The following RUSC2 variants were observed in gnomAD, a reference collection of about 807,000 sequenced individuals.
RUSC2 encodes the protein RUN and SH3 domain containing 2.
A neutral mutation model predicts 122.2 loss-of-function variants in RUSC2; 34 were observed. The observed-to-expected ratio is 0.28, with a 90% CI of 0.21 to 0.37. RUSC2 has a LOEUF of 0.37. Ranked by LOEUF, RUSC2 falls within the 10% of genes least tolerant of loss-of-function variation. The pLI, the probability that RUSC2 is intolerant of heterozygous loss-of-function variation, is 1.00. For missense variants in RUSC2, 1,747 were observed against 1,952.4 expected, an observed-to-expected ratio of 0.89 and a Z score of 1.98; for synonymous variants, 784 against 790.0, an observed-to-expected ratio of 0.99 and a Z score of 0.13.
intron 1 of RUSC2, among the ~76,000 whole-genome samples, chr9:35,537,395 A>T (rs1020997851): frequency 3.9e-5 from 6 of 152,192 alleles, no homozygotes; most frequent in African/African-American, 7.2e-5. Context: ...GCATAGTGAC[A>T]CCATTTCCTC....
At position 35,557,951 on chromosome 9, in the gene RUSC2, T is replaced by C. The variant is rs1051025047; in HGVS notation, c.3021T>C (p.Ile1007=). ...VKAVNIAVDL[I]VAHFGTSRDP... is the part of the protein sequence containing the mutation. The stretch of plus-strand genomic sequence containing the variant: ...CTGTTAACATCGCTGTGGACCTCAT[T>C]GTGGCTCATTTTGGCACAAGCCGGG... Residue 1007 remains isoleucine, a synonymous_variant, in exon 6 of 12, where the codon ATT becomes ATC. Coordinates refer to ENST00000361226, the MANE Select transcript of RUSC2 (RefSeq NM_014806.5). This position sits in a 1 kb window ranked among gnomAD's most constrained non-coding sequence, Gnocchi z 4.6. 1.2e-6 allele frequency: 2 copies of C among 1,614,186 alleles called. No individual in the cohort carries two copies. Among genetic ancestry groups the C allele is most frequent in the Admixed American group, 3.3e-5 (2 of 60,028 alleles).
intron 1 of RUSC2, among the ~76,000 whole-genome samples, chr9:35,508,687 C>G (rs919275624): frequency 6.6e-6 from 1 of 152,194 alleles, no homozygotes; most frequent in Non-Finnish European, 1.5e-5. Context: ...TGACAATTCC[C>G]TGATGCTACT....
At position 35,555,251 on chromosome 9, in the gene RUSC2, G is replaced by T; in HGVS notation, c.2206G>T (p.Ala736Ser). 6.2e-7 allele frequency: 1 copy of T among 1,613,098 alleles called. No individual in the cohort carries two copies. The change falls in exon 3 of 12, where the codon GCC becomes TCC. Residue 736 changes from alanine to serine, a missense_variant. Physicochemically the swap from Ala to Ser is moderately conservative, Grantham distance 99. Coordinates refer to ENST00000361226, the MANE Select transcript of RUSC2 (RefSeq NM_014806.5). The surrounding 1 kb of genome is among the most constrained non-coding windows in gnomAD (Gnocchi z 4.6). ...TACACAGCAGCCTGCCCCACTGGCT[G>T]CCCCTGCTGCTCAAGTCTCAGTCCC... ...SRTQQPAPLAAPAAQVSVPAP... is the reference protein window; with the variant it reads ...SRTQQPAPLASPAAQVSVPAP...
Position 35,561,564 on chromosome 9 carries a change from C to T in RUSC2, c.*182C>T. 1.6e-6 allele frequency: 1 copy of T among 609,940 alleles called. No homozygotes were observed. Among genetic ancestry groups the T allele is most frequent in the Non-Finnish European group, 2.9e-6 (1 of 347,458 alleles). The allele number at this position is 609,940 out of a possible 1,614,324, so 37.8% of individuals were successfully genotyped here. ...ACGCCCCCTTAACTGTCCCAGTGACCTTGTCCAGACCTCCACCCAGGAGAG... is the reference window on the plus strand; with the variant it reads ...ACGCCCCCTTAACTGTCCCAGTGACTTTGTCCAGACCTCCACCCAGGAGAG... On this transcript the variant is annotated 3_prime_UTR_variant, in exon 12 of 12. Coordinates refer to ENST00000361226, the MANE Select transcript of RUSC2 (RefSeq NM_014806.5).
intron 1 of RUSC2, among the ~76,000 whole-genome samples, chr9:35,514,884 G>A (rs899721932): frequency 2.0e-5 from 3 of 152,132 alleles, no homozygotes; most frequent in Non-Finnish European, 2.9e-5. Flanking sequence ...GATGAAGAAG[G>A]TTGCACCCTG....
intron 1 of RUSC2, among the ~76,000 whole-genome samples, chr9:35,495,029 T>G (rs1820655877): frequency 1.0e-5 from 1 of 99,814 alleles, no homozygotes; most frequent in African/African-American, 3.8e-5. Flanking sequence ...ATTTTATATA[T>G]TATATATACT....
Position 35,556,456 on chromosome 9 carries a change from C to CA in RUSC2, c.2983+10dup, listed in dbSNP as rs1822021818. On this transcript the variant is annotated intron_variant, in intron 5 of 11. Transcript: ENST00000361226. ...ACCTGCTTCAGAAAAAAGGTGCATA[C>CA]AACCCCCAGCTCAGGCCAGGGACTC... 6.2e-7 allele frequency: 1 copy of CA among 1,613,086 alleles called. No homozygotes were observed. The highest frequency in any genetic ancestry group is 8.5e-7 in the Non-Finnish European group (1 of 1,179,532).
chr9:35,546,406 C>T lies in RUSC2; in HGVS notation c.-92-24C>T, dbSNP rs1035447016. ...ACTTCCAGGGAGGTGACATTAGGTT[C>T]CCTTTCTTTCCCTCTCTCTCCAGGT... On this transcript the variant is annotated intron_variant, in intron 1 of 11. Coordinates refer to ENST00000361226, the MANE Select transcript of RUSC2 (RefSeq NM_014806.5). The surrounding 1 kb of genome is among the most constrained non-coding windows in gnomAD (Gnocchi z 4.3). The T allele has an allele frequency of 1.4e-6, 1 of 715,754 alleles. No individual in the cohort carries two copies. Among genetic ancestry groups the T allele is most frequent in the Non-Finnish European group, 2.0e-6 (1 of 495,996 alleles). 44.3% of individuals were successfully genotyped at this position (715,754 alleles called of 1,614,324 possible).
Position 35,561,361 on chromosome 9 carries a change from C to T in RUSC2, c.4530C>T (p.Thr1510=), listed in dbSNP as rs148877875. The T allele has an allele frequency of 6.6e-5, 107 of 1,612,792 alleles. No individual in the cohort carries two copies. In the African/African-American group the frequency reaches 1.4e-3, roughly 21 times the overall value. Residue 1510 remains threonine, a synonymous_variant, in exon 12 of 12, where the codon ACC becomes ACT. Transcript: ENST00000361226. ...YVTLTPTPSP[T]PGSSQN ...CATTGACCCCAACTCCAAGTCCAAC[C>T]CCTGGAAGCAGCCAAAACTGAGGCC...
At chr9:35,545,262 T>G (rs1821721478) in intron 1 of RUSC2, among the ~76,000 whole-genome samples, 1 of 152,130 alleles carries the variant, frequency 6.6e-6, no homozygotes, top group African/African-American at 2.4e-5. Flanking sequence ...CAATGAGGGA[T>G]TTAGACTCAG....
intron 1 of RUSC2, among the ~76,000 whole-genome samples, chr9:35,540,321 C>T (rs1209984117): frequency 6.6e-5 from 10 of 152,246 alleles, no homozygotes; most frequent in South Asian, 4.1e-4. Context: ...GAGCTATGAT[C>T]GCATCACTGC....
Position 35,547,968 on chromosome 9 carries a change from A to C in RUSC2, c.1447A>C (p.Asn483His). The change falls in exon 2 of 12, where the codon AAT (asparagine) becomes CAT (histidine). Residue 483 changes from asparagine to histidine, a missense_variant. Transcript: ENST00000361226. This position sits in a 1 kb window ranked among gnomAD's most constrained non-coding sequence, Gnocchi z 4.6. ...TGTGCTTGAGGGACAAGTATACACG[A>C]ATACTTCACCCCCCAACCTCAGCAC... The part of the protein sequence containing the change: ...PTVLEGQVYT[N>H]TSPPNLSTGR... 6.2e-7 allele frequency: 1 copy of C among 1,614,124 alleles called. No homozygotes were observed. Among genetic ancestry groups the C allele is most frequent in the Non-Finnish European group, 8.5e-7 (1 of 1,180,012 alleles).
At chr9:35,498,144 T>C (rs1354275776) in intron 1 of RUSC2, among the ~76,000 whole-genome samples, 1 of 122,660 alleles carries the variant, frequency 8.2e-6, no homozygotes, top group East Asian at 2.3e-4. Flanking sequence ...GGAACAGAGA[T>C]AATTTTAGTT....
Position 35,547,519 on chromosome 9 carries a change from T to G in RUSC2, c.998T>G (p.Met333Arg). Residue 333 changes from methionine (M) to arginine (R), a missense_variant, in exon 2 of 12, where the codon ATG (methionine) becomes AGG (arginine). Met to Arg is a moderately conservative substitution (Grantham distance 91). Transcript: ENST00000361226. This position sits in a 1 kb window ranked among gnomAD's most constrained non-coding sequence, Gnocchi z 4.6. Reference protein sequence around the residue: ...DLQPSPFESKMSYESHHPESG... With the variant: ...DLQPSPFESKRSYESHHPESG... ...CAGCCCTCCCCATTTGAGTCTAAGATGTCTTATGAGTCCCATCACCCTGAA... is the reference window on the plus strand; with the variant it reads ...CAGCCCTCCCCATTTGAGTCTAAGAGGTCTTATGAGTCCCATCACCCTGAA... 1 of 1,614,096 alleles carries G rather than the reference T, an allele frequency of 6.2e-7. No homozygotes were observed.
At position 35,525,518 on chromosome 9, in the gene RUSC2, G is replaced by T. The variant is rs531252578; in HGVS notation, c.-92-20912G>T. Among the ~76,000 whole-genome samples the T allele has an allele frequency of 4.6e-5, 7 of 151,752 alleles. No individual in the cohort carries two copies. The South Asian group carries it at 1.5e-3, about 32-fold the overall frequency. ...TTTTTTTCCTTTAAAAAGAATTTTT[G>T]GTCGAGCACGGTGGCTCATGCCTGT... On this transcript the variant is annotated intron_variant, in intron 1 of 11. Coordinates refer to ENST00000361226, the MANE Select transcript of RUSC2 (RefSeq NM_014806.5).
chr9:35,513,883 G>T, intron 1 of RUSC2, among the ~76,000 whole-genome samples: 1 of 108,288 alleles, frequency 9.2e-6, no homozygotes, highest in African/African-American at 3.5e-5. Context: ...TTTTGCTTTT[G>T]TAAATAGTGC....
intron 1 of RUSC2, among the ~76,000 whole-genome samples, chr9:35,537,284 G>C (rs186863817): frequency 4.5e-4 from 69 of 152,308 alleles, no homozygotes; most frequent in Non-Finnish European, 9.0e-4. Context: ...CTCATGGTAA[G>C]AGGCTCGAAC....
intron 1 of RUSC2, among the ~76,000 whole-genome samples, chr9:35,491,585 C>T (rs925810607): frequency 6.6e-6 from 1 of 152,216 alleles, no homozygotes; most frequent in African/African-American, 2.4e-5. Flanking sequence ...GACATGTTCT[C>T]ATTCATCCAT....
Position 35,560,531 on chromosome 9 carries a change from C to T in RUSC2, c.3891C>T (p.Asn1297=). The change falls in exon 10 of 12, where the codon AAC becomes AAT. Residue 1297 remains asparagine, a synonymous_variant. Transcript: ENST00000361226. ...CCAGGTTCCCTCGTGGTAGCAGCAA[C>T]AGCAGCAGCGAGAAAAAGAAAGGGG... ...EGSRFPRGSS[N]SSSEKKKGAG... is the part of the protein sequence containing the mutation. 6.2e-7 allele frequency: 1 copy of T among 1,614,194 alleles called. No homozygotes were observed. Among genetic ancestry groups the T allele is most frequent in the Admixed American group, 1.7e-5 (1 of 60,026 alleles).
Sources: allele counts gnomAD v4.1 joint callset (sites outside exome capture counted in the v4.1 genomes callset), GRCh38; gene constraint gnomAD v4.1.1; non-coding constraint Gnocchi (gnomAD v3.1); transcripts MANE v1.5; gene names NCBI Gene and HGNC (gene_info 2026-07-23, HGNC 2026-07-21).